The following NF2 variants were observed in gnomAD, a reference collection of about 807,000 sequenced individuals.
NF2 encodes merlin.
In NF2, 8 loss-of-function variants were observed where a neutral mutation model predicts 83.7. The ratio of observed to expected loss-of-function variants is 0.10; its 90% CI spans 0.06 to 0.17. The LOEUF (loss-of-function observed/expected upper bound fraction) is 0.17. NF2 is among the 10% of genes least tolerant of loss of function. NF2 has a pLI of 1.00. For missense variants in NF2, 533 were observed against 744.4 expected, an observed-to-expected ratio of 0.72 and a Z score of 3.31; for synonymous variants, 266 against 269.6, an observed-to-expected ratio of 0.99 and a Z score of 0.13.
At chr22:29,662,323 C>T (rs1322276271) in intron 8 of NF2, among the ~76,000 whole-genome samples, 2 of 152,000 alleles carry the variant, frequency 1.3e-5, no homozygotes, top group African/African-American at 2.4e-5. Context: ...TGGGGTTTTG[C>T]CACATTGCCC....
chr22:29,691,678 T>A (rs2067408503), intron 15 of NF2, among the ~76,000 whole-genome samples: 1 of 152,224 alleles, frequency 6.6e-6, no homozygotes, highest in Admixed American at 6.5e-5. Flanking sequence ...AAGCAGCAGA[T>A]GGTGAAAGAT....
chr22:29,631,349 C>G (rs1475822706), intron 1 of NF2, among the ~76,000 whole-genome samples: 1 of 152,202 alleles, frequency 6.6e-6, no homozygotes, highest in African/African-American at 2.4e-5. Context: ...CATCTCTCCT[C>G]AGGAAAGACC....
chr22:29,686,352 A>G (rs2067270960), intron 15 of NF2, among the ~76,000 whole-genome samples: 1 of 152,270 alleles, frequency 6.6e-6, no homozygotes, highest in Non-Finnish European at 1.5e-5. Flanking sequence ...TTAAAAAGCC[A>G]TAATTGGCCG....
intron 15 of NF2, among the ~76,000 whole-genome samples, chr22:29,687,319 G>A (rs549552207): frequency 7.9e-5 from 12 of 152,360 alleles, no homozygotes; most frequent in African/African-American, 2.4e-4. Flanking sequence ...ACAGGAAGAA[G>A]AGGAGCCTTG....
chr22:29,631,901 A>G lies in NF2; in HGVS notation c.115-4850A>G, dbSNP rs111846826. Among the ~76,000 whole-genome samples, 429 of 152,328 alleles carry G rather than the reference A, an allele frequency of 2.8e-3. 3 individuals are homozygous for G. The highest frequency in any genetic ancestry group is 9.8e-3 in the African/African-American group (408 of 41,564). On this transcript the variant is annotated intron_variant, in intron 1 of 15. Coordinates refer to ENST00000338641, the MANE Select transcript of NF2 (RefSeq NM_000268.4). ...AGTGACAGTGCAGAGATTCATACCA[A>G]TGGAGACAACCATCACTTATCTATA...
intron 11 of NF2, among the ~76,000 whole-genome samples, chr22:29,672,523 A>G (rs1342689386): frequency 6.6e-6 from 1 of 151,858 alleles, no homozygotes; most frequent in African/African-American, 2.4e-5. Context: ...CATGTTGGTC[A>G]GGCTGGTTTC....
intron 10 of NF2, 32 bp from the exon 11 acceptor site, chr22:29,671,794 A>G (rs1293328514): frequency 6.2e-7 from 1 of 1,613,310 alleles, no homozygotes; most frequent in Non-Finnish European, 8.5e-7. Context: ...GAGCCCTGTG[A>G]TTCAATGACT....
At chr22:29,644,852 G>A (rs1417357713) in intron 4 of NF2, among the ~76,000 whole-genome samples, 1 of 152,106 alleles carries the variant, frequency 6.6e-6, no homozygotes, top group East Asian at 1.9e-4. Flanking sequence ...GGAGGTTGCA[G>A]TGAGCCGAGA....
chr22:29,672,345 T>C (rs190227430), intron 11 of NF2, among the ~76,000 whole-genome samples: 52 of 143,896 alleles, frequency 3.6e-4, no homozygotes, highest in Non-Finnish European at 7.1e-4. Context: ...GGAGTCTCGC[T>C]CTGTTGCCTA....
intron 9 of NF2, among the ~76,000 whole-genome samples, chr22:29,667,263 G>T (rs1392458540): frequency 6.6e-6 from 1 of 151,624 alleles, no homozygotes; most frequent in African/African-American, 2.4e-5. Context: ...TTTGAGATAG[G>T]GTCTCACTCT....
intron 1 of NF2, among the ~76,000 whole-genome samples, chr22:29,631,250 G>C (rs2065503310): frequency 6.6e-6 from 1 of 152,200 alleles, no homozygotes; most frequent in Non-Finnish European, 1.5e-5. Flanking sequence ...CAGACCTGCT[G>C]TTCCCTCAGG....
intron 1 of NF2, among the ~76,000 whole-genome samples, chr22:29,623,353 C>T (rs928960010): frequency 1.1e-4 from 16 of 152,040 alleles, no homozygotes; most frequent in African/African-American, 3.6e-4. Context: ...GAAGTTTTTA[C>T]TAGAAGTGTG....
At chr22:29,642,336 T>C (rs528816404) in intron 4 of NF2, 51 bp downstream of exon 4, 50 of 1,419,150 alleles carry the variant, frequency 3.5e-5, no homozygotes, top group Non-Finnish European at 3.8e-5. Context: ...ATTTGGGTCA[T>C]GGGATCACTC....
intron 14 of NF2, among the ~76,000 whole-genome samples, chr22:29,680,074 G>A (rs926684093): frequency 6.6e-6 from 1 of 151,276 alleles, no homozygotes; most frequent in African/African-American, 2.4e-5. Context: ...CCATTCATGA[G>A]GCTCTACCCT....
rs1476326056 is a variant in NF2, at chr22:29,661,353, G to A, written c.810+14G>A. ...AGTGACAAGGAGGTAGGACATGTGT[G>A]TACTGCAGATGGGTCCAGCAGATCT... On this transcript the variant is annotated intron_variant, in intron 8 of 15. Coordinates refer to ENST00000338641, the MANE Select transcript of NF2 (RefSeq NM_000268.4). 1 of 1,613,480 alleles carries A rather than the reference G, an allele frequency of 6.2e-7. No homozygotes were observed. The highest frequency in any genetic ancestry group is 1.3e-5 in the African/African-American group (1 of 75,060).
rs189146105 is a variant in NF2, at chr22:29,697,606, G to A, written c.*2804G>A. 76 of 169,992 alleles carry A rather than the reference G, an allele frequency of 4.5e-4. No homozygotes were observed. In the East Asian group the frequency reaches 6.3e-3, roughly 14 times the overall value. The allele number at this position is 169,992 out of a possible 1,614,324, so 10.5% of individuals were successfully genotyped here. A position where few individuals can be genotyped will look rare whatever the true frequency, so the allele number is the denominator to read the frequency against. ...TTGAGACGGAGTTTTTGCCTTTGTC[G>A]CCCAGGCTGGAGTGCAATGGCGTGA... On this transcript the variant is annotated 3_prime_UTR_variant, in exon 16 of 16. Coordinates refer to ENST00000338641, the MANE Select transcript of NF2 (RefSeq NM_000268.4).
At position 29,643,099 on chromosome 22, in the gene NF2, C is replaced by T. The variant is rs368026374; in HGVS notation, c.447+814C>T. ...TCACCAGAGCACAAGATGTTGTCCC[C>T]AGAATTGGGGCTCCTTGATTACTTG... On this transcript the variant is annotated intron_variant, in intron 4 of 15. Transcript: ENST00000338641. 2.6e-5 allele frequency among the ~76,000 whole-genome samples: 4 copies of T among 152,166 alleles called. No individual in the cohort carries two copies. In the South Asian group the frequency reaches 6.2e-4, roughly 24 times the overall value.
rs2066928046 is a variant in NF2 at position 29,675,312 on chromosome 22, A to G, written c.1446+371A>G. Among the ~76,000 whole-genome samples, 4 of 152,288 alleles carry G rather than the reference A, an allele frequency of 2.6e-5. 1 individual carries two copies. The South Asian group carries it at 6.2e-4, about 24-fold the overall frequency. Reference sequence around the variant, plus strand: ...TCAGTATATACCATATATCATAATTATAGTTCTGGGAAGGGATTGGCTGTA... The same window carrying G: ...TCAGTATATACCATATATCATAATTGTAGTTCTGGGAAGGGATTGGCTGTA... On this transcript the variant is annotated intron_variant, in intron 13 of 15. Coordinates refer to ENST00000338641, the MANE Select transcript of NF2 (RefSeq NM_000268.4).
chr22:29,610,659 GAAGA>G (rs755815733), intron 1 of NF2, among the ~76,000 whole-genome samples: 22 of 148,110 alleles, frequency 1.5e-4, no homozygotes, highest in Non-Finnish European at 2.7e-4. Context: ...AAAAAAAAAA[GAAGA>G]AAGAAAAGCA....
Sources: allele counts gnomAD v4.1 joint callset (sites outside exome capture counted in the v4.1 genomes callset), GRCh38; gene constraint gnomAD v4.1.1; transcripts MANE v1.5; gene names NCBI Gene and HGNC (gene_info 2026-07-23, HGNC 2026-07-21).